The following GRAMD1C variants were observed in gnomAD, a reference collection of about 807,000 sequenced individuals.
GRAMD1C encodes the protein protein Aster-C.
GRAMD1C carries 89 observed loss-of-function variants against 97.8 expected under a neutral mutation model. The ratio of observed to expected loss-of-function variants is 0.91; its 90% CI spans 0.77 to 1.09. The LOEUF (loss-of-function observed/expected upper bound fraction) is 1.09. Among genes scored for constraint, GRAMD1C ranks in the 50% least tolerant of loss-of-function variants. The pLI is 0.00. For synonymous variants in GRAMD1C, 256 were observed against 267.0 expected, an observed-to-expected ratio of 0.96 and a Z score of 0.40; for missense variants, 740 against 766.4, an observed-to-expected ratio of 0.97 and a Z score of 0.41.
intron 6 of GRAMD1C, among the ~76,000 whole-genome samples, chr3:113,892,005 CT>C (rs1426822003): frequency 1.3e-5 from 2 of 151,740 alleles, no homozygotes; most frequent in African/African-American, 2.4e-5. Context: ...GCAAATTAAT[CT>C]AGAAAGTAGA....
intron 10 of GRAMD1C, among the ~76,000 whole-genome samples, chr3:113,922,252 T>C (rs145374270): frequency 2.7e-4 from 41 of 152,146 alleles, no homozygotes; most frequent in African/African-American, 9.9e-4. Context: ...TTATATTTTT[T>C]TGTAGAGATG....
chr3:113,934,568 A>G, intron 13 of GRAMD1C, 33 bp downstream of exon 13: 1 of 924,504 alleles, frequency 1.1e-6, no homozygotes, highest in Non-Finnish European at 1.7e-6. Flanking sequence ...CTATTTTTGT[A>G]AAGATGGGAT....
chr3:113,855,014 A>G (rs969418570), intron 2 of GRAMD1C, among the ~76,000 whole-genome samples: 1 of 152,218 alleles, frequency 6.6e-6, no homozygotes, highest in East Asian at 1.9e-4. Flanking sequence ...CTGTGCACAT[A>G]AAAACAGTGA....
chr3:113,840,822 G>A (rs554955657), intron 1 of GRAMD1C, among the ~76,000 whole-genome samples: 24 of 152,318 alleles, frequency 1.6e-4, no homozygotes, highest in Admixed American at 3.9e-4. Context: ...CCTTTTGTGA[G>A]CTCCTTTGTG....
chr3:113,935,695 A>G (rs1450824840), intron 13 of GRAMD1C, among the ~76,000 whole-genome samples: 1 of 152,042 alleles, frequency 6.6e-6, no homozygotes, highest in Non-Finnish European at 1.5e-5. Context: ...TCATTATTGA[A>G]TTCTTCATCA....
At chr3:113,866,389 A>G (rs1025399) in intron 2 of GRAMD1C, among the ~76,000 whole-genome samples, 17,578 of 152,140 alleles carry the variant, frequency 0.12, 1,353 homozygotes, top group African/African-American at 0.22. Flanking sequence ...TGCATGGTAT[A>G]TCTTTTTCTC....
chr3:113,932,419 T>G (rs954066326), intron 11 of GRAMD1C, among the ~76,000 whole-genome samples: 6 of 152,202 alleles, frequency 3.9e-5, no homozygotes, highest in Admixed American at 1.3e-4. Context: ...GAGAAAGGTT[T>G]GGCCAATGAC....
chr3:113,844,761 T>C (rs1933537323), intron 2 of GRAMD1C, 112 bp downstream of exon 2: 12 of 727,636 alleles, frequency 1.6e-5, no homozygotes, highest in African/African-American at 3.7e-5. Flanking sequence ...AGATTTTAGA[T>C]GTTTCAATTT....
chr3:113,912,610 A>C (rs983856236), intron 9 of GRAMD1C, among the ~76,000 whole-genome samples: 1 of 152,020 alleles, frequency 6.6e-6, no homozygotes, highest in African/African-American at 2.4e-5. Context: ...GTGCATGCCT[A>C]TAGTCCTAGC....
chr3:113,889,251 G>GTGA (rs1440233282), intron 6 of GRAMD1C, among the ~76,000 whole-genome samples: 1 of 152,144 alleles, frequency 6.6e-6, no homozygotes, highest in East Asian at 1.9e-4. Context: ...ATAAAATGTA[G>GTGA]TGAAGTAGTG....
chr3:113,890,000 G>A (rs1935654369), intron 6 of GRAMD1C, among the ~76,000 whole-genome samples: 1 of 152,076 alleles, frequency 6.6e-6, no homozygotes, highest in African/African-American at 2.4e-5. Context: ...CTACTCCCCA[G>A]CTAAGCACCT....
upstream of GRAMD1C, among the ~76,000 whole-genome samples, chr3:113,834,231 G>A (rs6794613): frequency 2.7e-3 from 404 of 152,252 alleles, 5 homozygotes; most frequent in African/African-American, 8.9e-3. Context: ...CCAGGCTGGA[G>A]TGTAGTGGTG....
chr3:113,872,024 C>T (rs530475990), intron 3 of GRAMD1C, among the ~76,000 whole-genome samples: 1 of 152,134 alleles, frequency 6.6e-6, no homozygotes, highest in South Asian at 2.1e-4. Flanking sequence ...GTCTAGAACT[C>T]GATGAATTTC....
intron 3 of GRAMD1C, among the ~76,000 whole-genome samples, chr3:113,870,146 G>A (rs1262846980): frequency 6.6e-6 from 1 of 151,900 alleles, no homozygotes; most frequent in Admixed American, 6.6e-5. Context: ...AACATTGCTT[G>A]AGCCCAGGAG....
intron 17 of GRAMD1C, among the ~76,000 whole-genome samples, chr3:113,943,057 T>G (rs562016617): frequency 1.2e-4 from 19 of 152,318 alleles, no homozygotes; most frequent in Non-Finnish European, 2.2e-4. Flanking sequence ...AAAAATCTCT[T>G]TATTAGTAGA....
intron 6 of GRAMD1C, among the ~76,000 whole-genome samples, chr3:113,898,834 A>G (rs990330246): frequency 1.3e-5 from 2 of 152,174 alleles, no homozygotes; most frequent in African/African-American, 4.8e-5. Flanking sequence ...ATTATCTGAT[A>G]ATATCTGATG....
upstream of GRAMD1C, among the ~76,000 whole-genome samples, chr3:113,838,075 G>C (rs1709668255): frequency 6.6e-6 from 1 of 152,212 alleles, no homozygotes; most frequent in Non-Finnish European, 1.5e-5. Flanking sequence ...CTGTGTTGAT[G>C]TTAATGAGGC....
intron 1 of GRAMD1C, among the ~76,000 whole-genome samples, chr3:113,843,289 CT>C (rs559858693): frequency 3.0e-4 from 46 of 151,830 alleles, no homozygotes; most frequent in African/African-American, 9.7e-4. Flanking sequence ...GTTGCCCAGG[CT>C]GGTCTCAAAC....
intron 2 of GRAMD1C, among the ~76,000 whole-genome samples, chr3:113,865,641 A>T (rs1440752061): frequency 3.3e-5 from 5 of 152,172 alleles, no homozygotes; most frequent in African/African-American, 1.2e-4. Flanking sequence ...GTTAAATTTT[A>T]AAAAAAATTT....
Sources: allele counts gnomAD v4.1 joint callset (sites outside exome capture counted in the v4.1 genomes callset), GRCh38; gene constraint gnomAD v4.1.1; transcripts MANE v1.5; gene names NCBI Gene and HGNC (gene_info 2026-07-23, HGNC 2026-07-21).